Variants in PTPRT observed in about 807,000 individuals in gnomAD.
PTPRT encodes receptor-type tyrosine-protein phosphatase T.
Under a neutral mutation model 176.8 loss-of-function variants are expected in PTPRT, and 56 were observed. The observed-to-expected ratio is 0.32, with a 90% CI of 0.26 to 0.40. PTPRT has a LOEUF of 0.40. Ranked by LOEUF, PTPRT falls within the 10% of genes least tolerant of loss-of-function variation. The pLI is 1.00. For missense variants in PTPRT, 1,540 were observed against 1,908.2 expected, an observed-to-expected ratio of 0.81 and a Z score of 3.60; for synonymous variants, 783 against 739.0, an observed-to-expected ratio of 1.06 and a Z score of -0.96.
In PTPRT at chr20:42,074,912, A is replaced by G. The variant is rs1482970912; in HGVS notation, c.*5967T>C. 5.0e-6 allele frequency: 2 copies of G among 398,304 alleles called. No homozygotes were observed. The highest frequency in any genetic ancestry group is 8.9e-6 in the Non-Finnish European group (2 of 225,968). 24.7% of individuals were successfully genotyped at this position (398,304 alleles called of 1,614,324 possible). ...GAAGAGTCTGCTCATGTGCACAAAT[A>G]TGGCTTAGATATCTCTGCTGTGCTT... On this transcript the variant is annotated 3_prime_UTR_variant, in exon 31 of 31. Transcript: ENST00000373187.
chr20:43,076,607 C>T (rs973472762), intron 1 of PTPRT, among the ~76,000 whole-genome samples: 13 of 152,064 alleles, frequency 8.5e-5, no homozygotes, highest in African/African-American at 2.9e-4. Flanking sequence ...TTCTCAACTC[C>T]GGAACTCAGA....
chr20:42,171,561 G>C (rs111556577), intron 16 of PTPRT, among the ~76,000 whole-genome samples: 2 of 152,038 alleles, frequency 1.3e-5, no homozygotes, highest in African/African-American at 2.4e-5. Flanking sequence ...AATTTTAAGC[G>C]AATGTGTATG....
chr20:42,484,755 T>C (rs1185246631), intron 7 of PTPRT, among the ~76,000 whole-genome samples: 1 of 152,210 alleles, frequency 6.6e-6, no homozygotes, highest in Non-Finnish European at 1.5e-5. Flanking sequence ...CTGTTATAAG[T>C]GTCATGATTT....
At chr20:42,421,236 C>A (rs2059115438) in intron 9 of PTPRT, among the ~76,000 whole-genome samples, 1 of 150,796 alleles carries the variant, frequency 6.6e-6, no homozygotes, top group Non-Finnish European at 1.5e-5. Flanking sequence ...AGTTCCTGAC[C>A]CCCTAACATA....
At chr20:42,560,350 ACAG>A (rs1366135079) in intron 7 of PTPRT, among the ~76,000 whole-genome samples, 1 of 152,158 alleles carries the variant, frequency 6.6e-6, no homozygotes, top group Non-Finnish European at 1.5e-5. Context: ...ACATTCTCCT[ACAG>A]CAGCATTTCT....
At chr20:42,318,032 A>G (rs1015774757) in intron 11 of PTPRT, among the ~76,000 whole-genome samples, 3 of 152,342 alleles carry the variant, frequency 2.0e-5, no homozygotes, top group Non-Finnish European at 4.4e-5. Context: ...AAATGAGTAA[A>G]TATAACATTC....
chr20:42,936,150 G>C lies in PTPRT; in HGVS notation c.89-50218C>G, dbSNP rs1031734756. ...AGAAAGACCGTAAATGGGATAACTA[G>C]TGTGTTGGATGGTGATAACAGCTAT... On this transcript the variant is annotated intron_variant, in intron 1 of 30. Coordinates refer to ENST00000373187, the MANE Select transcript of PTPRT (RefSeq NM_007050.6). Among the ~76,000 whole-genome samples, 3 of 152,352 alleles carry C rather than the reference G, an allele frequency of 2.0e-5. No individual in the cohort carries two copies. In the East Asian group the frequency reaches 5.8e-4, roughly 29 times the overall value.
intron 7 of PTPRT, among the ~76,000 whole-genome samples, chr20:42,532,513 T>C (rs1392413653): frequency 6.6e-6 from 1 of 152,148 alleles, no homozygotes; most frequent in African/African-American, 2.4e-5. Context: ...GCAATCCTCC[T>C]GCCTAAGCCT....
chr20:42,850,604 A>G (rs1007284746), intron 2 of PTPRT, among the ~76,000 whole-genome samples: 2 of 152,206 alleles, frequency 1.3e-5, no homozygotes, highest in African/African-American at 4.8e-5. Context: ...CTTTTTGTTC[A>G]GTTGCTATAC....
Position 42,997,178 on chromosome 20 carries a change from C to T in PTPRT, c.89-111246G>A, listed in dbSNP as rs1005622708. Among the ~76,000 whole-genome samples, 6 of 152,158 alleles carry T rather than the reference C, an allele frequency of 3.9e-5. No homozygotes were observed. In the South Asian group the frequency reaches 1.2e-3, roughly 32 times the overall value. ...ATGACTACAACAGTATCTCCCACCC[C>T]CATTTGCTTCTACACTGTGACTTTG... On this transcript the variant is annotated intron_variant, in intron 1 of 30. Coordinates refer to ENST00000373187, the MANE Select transcript of PTPRT (RefSeq NM_007050.6).
intron 1 of PTPRT, among the ~76,000 whole-genome samples, chr20:43,134,834 C>A (rs991909388): frequency 5.3e-5 from 8 of 152,152 alleles, no homozygotes; most frequent in African/African-American, 1.2e-4. Flanking sequence ...TTTTTGACAT[C>A]CTGATCTGTT....
At chr20:43,128,228 A>T (rs1168751658) in intron 1 of PTPRT, among the ~76,000 whole-genome samples, 1 of 152,252 alleles carries the variant, frequency 6.6e-6, no homozygotes, top group African/African-American at 2.4e-5. Context: ...CATTTGGACA[A>T]CTGGGAGATG....
chr20:42,133,125 TTATTA>T (rs1424472404), intron 18 of PTPRT, among the ~76,000 whole-genome samples: 1 of 152,220 alleles, frequency 6.6e-6, no homozygotes, highest in Non-Finnish European at 1.5e-5. Flanking sequence ...ATTCTACACT[TTATTA>T]TAAAATGTAC....
At chr20:42,734,895 C>T (rs2076515347) in intron 6 of PTPRT, among the ~76,000 whole-genome samples, 1 of 152,140 alleles carries the variant, frequency 6.6e-6, no homozygotes. Context: ...CCCTTCTGCC[C>T]ACATTCTACG....
chr20:42,287,445 G>A (rs947493235), intron 12 of PTPRT, among the ~76,000 whole-genome samples: 1 of 151,940 alleles, frequency 6.6e-6, no homozygotes, highest in East Asian at 1.9e-4. Flanking sequence ...AATGGAACTA[G>A]AGGACATTAC....
At chr20:42,966,054 C>A (rs1219071784) in intron 1 of PTPRT, among the ~76,000 whole-genome samples, 6 of 152,114 alleles carry the variant, frequency 3.9e-5, no homozygotes, top group African/African-American at 1.4e-4. Context: ...CATTCTAGTT[C>A]CACACGGTAA....
At chr20:42,901,035 G>C (rs147375308) in intron 1 of PTPRT, among the ~76,000 whole-genome samples, 138 of 152,272 alleles carry the variant, frequency 9.1e-4, no homozygotes, top group Non-Finnish European at 1.6e-3. Flanking sequence ...ATGCTGCAAA[G>C]GAAATGCTAA....
intron 2 of PTPRT, among the ~76,000 whole-genome samples, chr20:42,819,882 T>C (rs1360640875): frequency 2.0e-5 from 3 of 152,154 alleles, no homozygotes; most frequent in Non-Finnish European, 2.9e-5. Context: ...ATTCTAAATA[T>C]ATATGCACCC....
chr20:42,952,691 C>T (rs1373956103), intron 1 of PTPRT, among the ~76,000 whole-genome samples: 1 of 152,224 alleles, frequency 6.6e-6, no homozygotes, highest in African/African-American at 2.4e-5. Context: ...CTGCCAAGCA[C>T]TAATATGCTC....
Sources: allele counts gnomAD v4.1 joint callset (sites outside exome capture counted in the v4.1 genomes callset), GRCh38; gene constraint gnomAD v4.1.1; transcripts MANE v1.5; gene names NCBI Gene and HGNC (gene_info 2026-07-23, HGNC 2026-07-21).